CSMD1: variants seen among roughly 807,000 people sequenced by gnomAD.
CSMD1 encodes CUB and sushi domain-containing protein 1.
In CSMD1, 213 loss-of-function variants were observed where a neutral mutation model predicts 417.5. The ratio of observed to expected loss-of-function variants is 0.51; its 90% CI spans 0.46 to 0.57. CSMD1 has a LOEUF of 0.57. Among genes scored for constraint, CSMD1 ranks in the 20% least tolerant of loss-of-function variants. The probability of loss-of-function intolerance (pLI) is 0.00; values close to 1 mark genes in which losing one functional copy is unlikely to be tolerated. For missense variants in CSMD1, 6,923 were observed against 4,529.7 expected, an observed-to-expected ratio of 1.53 and a Z score of -15.17; for synonymous variants, 2,862 against 1,736.8, an observed-to-expected ratio of 1.65 and a Z score of -16.11.
intron 2 of CSMD1, among the ~76,000 whole-genome samples, chr8:4,473,354 G>C (rs1397940964): frequency 6.6e-6 from 1 of 152,128 alleles, no homozygotes; most frequent in Non-Finnish European, 1.5e-5. Flanking sequence ...ATGCCATTGG[G>C]GTATCTGAGG....
chr8:4,605,849 C>T (rs923125416), intron 2 of CSMD1, among the ~76,000 whole-genome samples: 2 of 152,092 alleles, frequency 1.3e-5, no homozygotes, highest in African/African-American at 2.4e-5. Flanking sequence ...GTTCTAATTG[C>T]CGTGTCAAAT....
At chr8:3,127,233 A>G (rs1817556438) in intron 41 of CSMD1, among the ~76,000 whole-genome samples, 1 of 152,166 alleles carries the variant, frequency 6.6e-6, no homozygotes, top group East Asian at 1.9e-4. Flanking sequence ...TTCATGCAAA[A>G]GAGGCATCTT....
chr8:3,350,502 A>G (rs946099865), intron 21 of CSMD1, among the ~76,000 whole-genome samples: 8 of 151,936 alleles, frequency 5.3e-5, no homozygotes, highest in Non-Finnish European at 1.2e-4. Context: ...CATAAAGGGA[A>G]TAGCACTTTT....
chr8:4,433,204 CAATAT>C (rs1482596874), intron 2 of CSMD1, among the ~76,000 whole-genome samples: 1 of 152,044 alleles, frequency 6.6e-6, no homozygotes, highest in Non-Finnish European at 1.5e-5. Context: ...TTGTGTATTA[CAATAT>C]AATAATATTA....
chr8:3,693,115 A>G (rs2129033573), intron 7 of CSMD1, among the ~76,000 whole-genome samples: 1 of 152,298 alleles, frequency 6.6e-6, no homozygotes, highest in South Asian at 2.1e-4. Context: ...CATAGAGATA[A>G]ATAGATACCA....
intron 27 of CSMD1, among the ~76,000 whole-genome samples, chr8:3,227,086 G>A (rs576333205): frequency 3.3e-5 from 5 of 152,116 alleles, no homozygotes; most frequent in Middle Eastern, 3.4e-3. Context: ...AGGTTAAATC[G>A]GTGTGACTGC....
chr8:3,394,579 G>C (rs1164874777), intron 17 of CSMD1, among the ~76,000 whole-genome samples: 4 of 151,886 alleles, frequency 2.6e-5, no homozygotes, highest in African/African-American at 4.8e-5. Flanking sequence ...ATTCTCTGAA[G>C]TTTCATGCAC....
chr8:4,947,497 C>T (rs1302391671), intron 1 of CSMD1, among the ~76,000 whole-genome samples: 1 of 152,104 alleles, frequency 6.6e-6, no homozygotes, highest in South Asian at 2.1e-4. Flanking sequence ...AAATGAGAAC[C>T]ATGTGGTAAT....
At chr8:3,900,374 A>T (rs902188588) in intron 5 of CSMD1, among the ~76,000 whole-genome samples, 4 of 151,020 alleles carry the variant, frequency 2.6e-5, no homozygotes, top group Non-Finnish European at 5.9e-5. Flanking sequence ...CAGCTGTGTG[A>T]CAGTGCAGCT....
chr8:3,008,633 C>T (rs865302), intron 52 of CSMD1, among the ~76,000 whole-genome samples: 3 of 152,174 alleles, frequency 2.0e-5, no homozygotes, highest in Non-Finnish European at 4.4e-5. Context: ...AGCATGCCCC[C>T]CTGGGTGACC....
At chr8:4,864,184 G>A (rs1802294467) in intron 1 of CSMD1, among the ~76,000 whole-genome samples, 1 of 151,770 alleles carries the variant, frequency 6.6e-6, no homozygotes. Context: ...AAATAATAAT[G>A]AAGTACAACC....
chr8:3,471,791 C>T (rs1817120720), intron 11 of CSMD1, among the ~76,000 whole-genome samples: 1 of 151,742 alleles, frequency 6.6e-6, no homozygotes, highest in Non-Finnish European at 1.5e-5. Context: ...AAGTCAAATT[C>T]ATGGTTTTGG....
At chr8:3,438,050 T>C (rs1472683062) in intron 12 of CSMD1, among the ~76,000 whole-genome samples, 1 of 152,226 alleles carries the variant, frequency 6.6e-6, no homozygotes, top group African/African-American at 2.4e-5. Context: ...CAAATAAGAA[T>C]TAAGTATCCA....
intron 23 of CSMD1, among the ~76,000 whole-genome samples, chr8:3,320,303 C>G (rs1806068535): frequency 3.3e-5 from 5 of 152,146 alleles, no homozygotes; most frequent in Admixed American, 3.3e-4. Flanking sequence ...GGACTCAGCC[C>G]TCACACACCC....
At chr8:3,153,320 A>T (rs1451683496) in intron 39 of CSMD1, among the ~76,000 whole-genome samples, 2 of 152,192 alleles carry the variant, frequency 1.3e-5, no homozygotes, top group African/African-American at 4.8e-5. Context: ...AAACAACCAT[A>T]AAAATGGGCA....
chr8:3,583,597 G>T (rs1441666866), intron 9 of CSMD1, among the ~76,000 whole-genome samples: 1 of 151,970 alleles, frequency 6.6e-6, no homozygotes, highest in Non-Finnish European at 1.5e-5. Context: ...TCTTGCTGCT[G>T]ATACTAAAAC....
At chr8:3,479,751 A>G (rs554158468) in intron 11 of CSMD1, among the ~76,000 whole-genome samples, 1 of 152,324 alleles carries the variant, frequency 6.6e-6, no homozygotes, top group South Asian at 2.1e-4. Context: ...CACGGCTTGA[A>G]TGATGAAAGA....
chr8:3,670,388 C>A (rs1040920352), intron 7 of CSMD1, among the ~76,000 whole-genome samples: 3 of 151,428 alleles, frequency 2.0e-5, no homozygotes, highest in African/African-American at 7.3e-5. Flanking sequence ...TGCAGATGGC[C>A]TATTGTCGGA....
At chr8:3,939,876 G>C (rs565755158) in intron 5 of CSMD1, among the ~76,000 whole-genome samples, 1 of 151,938 alleles carries the variant, frequency 6.6e-6, no homozygotes, top group African/African-American at 2.4e-5. Context: ...GGTAGGAAGC[G>C]GGTGAGGGAA....
Sources: allele counts gnomAD v4.1 joint callset (sites outside exome capture counted in the v4.1 genomes callset), GRCh38; gene constraint gnomAD v4.1.1; transcripts MANE v1.5; gene names NCBI Gene and HGNC (gene_info 2026-07-23, HGNC 2026-07-21).